Variants in CLVS1 observed in about 807,000 individuals in gnomAD.
CLVS1 encodes the protein clavesin 1.
Under a neutral mutation model 33.1 loss-of-function variants are expected in CLVS1, and 10 were observed. The observed-to-expected ratio is 0.30, with a 90% CI of 0.19 to 0.51. CLVS1 has a LOEUF of 0.51. Ranked by LOEUF, CLVS1 falls within the 20% of genes least tolerant of loss-of-function variation. The pLI is 0.97. For synonymous variants in CLVS1, 163 were observed against 166.1 expected, an observed-to-expected ratio of 0.98 and a Z score of 0.14; for missense variants, 343 against 433.4, an observed-to-expected ratio of 0.79 and a Z score of 1.85.
intron 1 of CLVS1, among the ~76,000 whole-genome samples, chr8:61,108,581 TGG>T (rs1805577979): frequency 6.6e-6 from 1 of 152,344 alleles, no homozygotes; most frequent in South Asian, 2.1e-4. Context: ...AATACTTCCA[TGG>T]GTAAGCCTAA....
At position 61,207,177 on chromosome 8, in the gene CLVS1, A is replaced by T. The variant is rs374593713; in HGVS notation, c.-152+75317A>T. On this transcript the variant is annotated intron_variant, in intron 2 of 2. Transcript: ENST00000522621. ...CAAAGAGAAGGAAAAAGTAATTCTAACTGCAGAGGGAGGGAATCTGAAGAC... is the reference window on the plus strand; with the variant it reads ...CAAAGAGAAGGAAAAAGTAATTCTATCTGCAGAGGGAGGGAATCTGAAGAC... Among the ~76,000 whole-genome samples, 4 of 152,346 alleles carry T rather than the reference A, an allele frequency of 2.6e-5. No individual in the cohort carries two copies. In the East Asian group the frequency reaches 5.8e-4, roughly 22 times the overall value.
chr8:61,360,204 G>T (rs187081057), intron 2 of CLVS1, among the ~76,000 whole-genome samples: 126 of 152,222 alleles, frequency 8.3e-4, no homozygotes, highest in Middle Eastern at 3.4e-3. Context: ...GGCCTTCCTG[G>T]TCTTCCCAGA....
intron 4 of CLVS1, among the ~76,000 whole-genome samples, chr8:61,455,206 G>A (rs1048037366): frequency 6.6e-6 from 1 of 151,108 alleles, no homozygotes; most frequent in Non-Finnish European, 1.5e-5. Flanking sequence ...GTGTGTGTGT[G>A]TGTGGTGAGA....
chr8:60,988,736 A>G, the CLVS1 span, among the ~76,000 whole-genome samples: 1 of 152,262 alleles, frequency 6.6e-6, no homozygotes, highest in Non-Finnish European at 1.5e-5. Flanking sequence ...AATAAAATTT[A>G]ACACCAACAA....
intron 1 of CLVS1, among the ~76,000 whole-genome samples, chr8:61,063,295 T>TAG (rs1303574345): frequency 4.2e-5 from 4 of 95,354 alleles, no homozygotes; most frequent in Admixed American, 1.1e-4. Context: ...GAGAGAGAGA[T>TAG]AGAGAGAGAG....
chr8:61,495,518 A>G (rs1333806156), intron 5 of CLVS1, among the ~76,000 whole-genome samples: 1 of 152,238 alleles, frequency 6.6e-6, no homozygotes, highest in Admixed American at 6.5e-5. Flanking sequence ...CCAAGACACA[A>G]AAGTCCCAGA....
At chr8:61,478,336 C>T (rs1818044100) in intron 5 of CLVS1, among the ~76,000 whole-genome samples, 1 of 152,154 alleles carries the variant, frequency 6.6e-6, no homozygotes, top group African/African-American at 2.4e-5. Flanking sequence ...ATTAGGTCCA[C>T]TTGGTTCAGA....
At chr8:61,176,776 C>G (rs1055643511) in intron 2 of CLVS1, among the ~76,000 whole-genome samples, 3 of 152,168 alleles carry the variant, frequency 2.0e-5, no homozygotes, top group Non-Finnish European at 4.4e-5. Flanking sequence ...GATAAGTTAG[C>G]TTGCTACCCA....
At chr8:61,470,015 A>G (rs756558054) in intron 5 of CLVS1, among the ~76,000 whole-genome samples, 3 of 152,228 alleles carry the variant, frequency 2.0e-5, no homozygotes, top group Admixed American at 6.5e-5. Flanking sequence ...CCAGTGTTTA[A>G]TGCTGGTTAT....
At chr8:61,437,741 A>C (rs781235268) in intron 3 of CLVS1, among the ~76,000 whole-genome samples, 3 of 152,212 alleles carry the variant, frequency 2.0e-5, no homozygotes, top group Non-Finnish European at 4.4e-5. Flanking sequence ...AGTCAAACAC[A>C]TGCAGCTGAA....
the CLVS1 span, among the ~76,000 whole-genome samples, chr8:61,045,053 C>T: frequency 2.0e-5 from 3 of 152,196 alleles, no homozygotes; most frequent in East Asian, 1.9e-4. Context: ...TCAATGGGCT[C>T]ATGAGTGGAG....
At chr8:61,415,189 G>T (rs556298666) in intron 3 of CLVS1, among the ~76,000 whole-genome samples, 9 of 152,290 alleles carry the variant, frequency 5.9e-5, no homozygotes, top group African/African-American at 2.2e-4. Flanking sequence ...CACAGGCTTC[G>T]TTACTTCACA....
the CLVS1 span, among the ~76,000 whole-genome samples, chr8:61,001,848 G>C: frequency 4.6e-5 from 7 of 152,326 alleles, no homozygotes; most frequent in African/African-American, 1.7e-4. Context: ...GTTGCCTATT[G>C]AAATCCCACC....
chr8:61,451,240 G>A (rs558442505), intron 3 of CLVS1, among the ~76,000 whole-genome samples: 1 of 151,946 alleles, frequency 6.6e-6, no homozygotes, highest in Admixed American at 6.6e-5. Flanking sequence ...TAGTAAGAGT[G>A]TGTCTTTGGC....
At chr8:61,031,757 G>A in the CLVS1 span, among the ~76,000 whole-genome samples, 1 of 152,176 alleles carries the variant, frequency 6.6e-6, no homozygotes, top group Non-Finnish European at 1.5e-5. Context: ...GCGATGAGTG[G>A]CTTTTACCAA....
At chr8:61,128,469 C>A (rs1047013609) in intron 1 of CLVS1, among the ~76,000 whole-genome samples, 6 of 152,252 alleles carry the variant, frequency 3.9e-5, no homozygotes, top group Middle Eastern at 3.4e-3. Context: ...CCTTTCTTTA[C>A]ATCTTTTTCT....
chr8:61,395,842 A>G lies in CLVS1; in HGVS notation c.630+19063A>G, dbSNP rs758732226. The stretch of plus-strand genomic sequence containing the variant: ...CATTACAAAGCTAGTTAGTGACACA[A>G]CTAGAAACGTCATCATAAACTTCAG... On this transcript the variant is annotated intron_variant, in intron 3 of 5. Transcript: ENST00000325897. Among the ~76,000 whole-genome samples, 14 of 152,220 alleles carry G rather than the reference A, an allele frequency of 9.2e-5. 1 individual carries two copies. The highest frequency in any genetic ancestry group is 2.1e-4 in the Non-Finnish European group (14 of 68,030).
At chr8:61,219,621 G>A (rs1808166944) in intron 2 of CLVS1, among the ~76,000 whole-genome samples, 1 of 152,176 alleles carries the variant, frequency 6.6e-6, no homozygotes, top group Admixed American at 6.6e-5. Context: ...GTGTGTATGT[G>A]TCTTTATAGT....
chr8:60,988,150 C>T, the CLVS1 span, among the ~76,000 whole-genome samples: 1 of 152,124 alleles, frequency 6.6e-6, no homozygotes, highest in African/African-American at 2.4e-5. Flanking sequence ...AGAATGTTCA[C>T]TAAGAGAAAG....
Sources: allele counts gnomAD v4.1 joint callset (sites outside exome capture counted in the v4.1 genomes callset), GRCh38; gene constraint gnomAD v4.1.1; transcripts MANE v1.5; gene names NCBI Gene and HGNC (gene_info 2026-07-23, HGNC 2026-07-21).